The following TMEM131 variants were observed in gnomAD, a reference collection of about 807,000 sequenced individuals.
The protein encoded by TMEM131 is transmembrane protein 131.
TMEM131 carries 66 observed loss-of-function variants against 211.6 expected under a neutral mutation model. That is an observed-to-expected ratio of 0.31 (90% CI 0.26 to 0.38). The LOEUF is 0.38. Ranked by LOEUF, TMEM131 falls within the 10% of genes least tolerant of loss-of-function variation. The pLI, the probability that TMEM131 is intolerant of heterozygous loss-of-function variation, is 1.00. For missense variants in TMEM131, 2,036 were observed against 2,299.3 expected (o/e 0.89, Z 2.34); for synonymous variants, 844 against 841.3 (o/e 1.00, Z -0.06).
At chr2:97,935,261 AT>A (rs779384170) in intron 1 of TMEM131, among the ~76,000 whole-genome samples, 2 of 152,176 alleles carry the variant, frequency 1.3e-5, no homozygotes, top group Non-Finnish European at 2.9e-5. Context: ...GATGGTGAAA[AT>A]GAAATACCCA....
intron 11 of TMEM131, chr2:97,827,671 A>G (rs1207881609): frequency 3.3e-6 from 3 of 914,180 alleles, no homozygotes; most frequent in South Asian, 1.4e-5. Flanking sequence ...CATTTTTAAG[A>G]AGGAGGGAAT....
chr2:97,775,127 G>A (rs1488076546), intron 32 of TMEM131, among the ~76,000 whole-genome samples: 2 of 152,120 alleles, frequency 1.3e-5, no homozygotes, highest in Non-Finnish European at 2.9e-5. Flanking sequence ...GCGCCAGAGT[G>A]GAATTATTAC....
intron 1 of TMEM131, among the ~76,000 whole-genome samples, chr2:97,942,378 T>A (rs1246638482): frequency 1.3e-5 from 2 of 148,164 alleles, no homozygotes; most frequent in African/African-American, 5.0e-5. Flanking sequence ...CTAATGTAAA[T>A]GACGAGTTAA....
chr2:97,807,611 C>A (rs6543111), intron 19 of TMEM131, among the ~76,000 whole-genome samples: 41,142 of 152,064 alleles, frequency 0.27, 6,093 homozygotes, highest in Middle Eastern at 0.36. Flanking sequence ...AATAAATCAC[C>A]CAGCCTCAGG....
At chr2:97,775,263 G>A (rs191202467) in intron 32 of TMEM131, among the ~76,000 whole-genome samples, 13 of 152,232 alleles carry the variant, frequency 8.5e-5, no homozygotes, top group East Asian at 1.9e-4. Flanking sequence ...GGCCTCCAAC[G>A]GGCGAGGCAG....
intron 1 of TMEM131, among the ~76,000 whole-genome samples, chr2:97,945,011 G>A (rs1677967055): frequency 6.6e-6 from 1 of 152,148 alleles, no homozygotes; most frequent in Non-Finnish European, 1.5e-5. Context: ...TTATATACCA[G>A]TGTTCATAAT....
At chr2:97,995,107 A>G (rs1267890794) in intron 1 of TMEM131, among the ~76,000 whole-genome samples, 1 of 152,382 alleles carries the variant, frequency 6.6e-6, no homozygotes, top group East Asian at 1.9e-4. Context: ...ATTTTAAAGT[A>G]AGCTCTGTCT....
At chr2:97,943,155 G>C (rs185169939) in intron 1 of TMEM131, among the ~76,000 whole-genome samples, 53 of 152,184 alleles carry the variant, frequency 3.5e-4, no homozygotes, top group African/African-American at 1.2e-3. Context: ...GGCTGAGGCA[G>C]AAAGATTGCT....
At chr2:97,804,709 G>A (rs1425355701) in intron 22 of TMEM131, among the ~76,000 whole-genome samples, 2 of 151,982 alleles carry the variant, frequency 1.3e-5, no homozygotes, top group Non-Finnish European at 2.9e-5. Context: ...TGCCTAGGTG[G>A]GGGTAAACCT....
rs1679290495 is a variant in TMEM131, at chr2:97,768,377, G to A, written c.4449-1775C>T. 2.0e-5 allele frequency among the ~76,000 whole-genome samples: 3 copies of A among 152,224 alleles called. No individual in the cohort carries two copies. In the South Asian group the frequency reaches 6.2e-4, roughly 31 times the overall value. ...CCAGCCCTCTGGTGGTGGAGGTGGT[G>A]TGGGTGTGATCTATTTTTAAGTGTG... On this transcript the variant is annotated intron_variant, in intron 33 of 40. Transcript: ENST00000186436.
rs892426414 is a variant in TMEM131 at position 97,802,069 on chromosome 2, G to C, written c.2652-108C>G. 5 of 697,278 alleles carry C rather than the reference G, an allele frequency of 7.2e-6. No individual in the cohort carries two copies. The African/African-American group carries it at 7.4e-5, about 10-fold the overall frequency. 43.2% of individuals were successfully genotyped at this position (697,278 alleles called of 1,614,324 possible). ...TTATTTTCAAATTATTGTCTGTCAG[G>C]TTTTGAGATCAATATGACCAGATTT... On this transcript the variant is annotated intron_variant, in intron 24 of 40. Coordinates refer to ENST00000186436, the MANE Select transcript of TMEM131 (RefSeq NM_015348.2).
rs565507964 is a variant in TMEM131, at chr2:97,932,526, T to G, written c.188-5039A>C. Among the ~76,000 whole-genome samples, 8 of 152,346 alleles carry G rather than the reference T, an allele frequency of 5.3e-5. No homozygotes were observed. In the East Asian group the frequency reaches 1.5e-3, roughly 29 times the overall value. Reference sequence around the variant, plus strand: ...AATATAATCCTATGTAATTCAGATGTGCAGGATATATACCATACATCTAAA... The same window carrying G: ...AATATAATCCTATGTAATTCAGATGGGCAGGATATATACCATACATCTAAA... On this transcript the variant is annotated intron_variant, in intron 1 of 40. Transcript: ENST00000186436.
intron 12 of TMEM131, among the ~76,000 whole-genome samples, chr2:97,817,905 T>C (rs1681911092): frequency 6.6e-6 from 1 of 152,196 alleles, no homozygotes; most frequent in Non-Finnish European, 1.5e-5. Flanking sequence ...GTTGCATGGG[T>C]GCCTATGAAA....
At chr2:97,981,307 T>C (rs1679787732) in intron 1 of TMEM131, among the ~76,000 whole-genome samples, 1 of 152,162 alleles carries the variant, frequency 6.6e-6, no homozygotes, top group Non-Finnish European at 1.5e-5. Flanking sequence ...AATAACCTTA[T>C]ATATATGTAT....
chr2:97,829,801 C>T (rs1035257600), intron 11 of TMEM131, among the ~76,000 whole-genome samples: 11 of 152,254 alleles, frequency 7.2e-5, no homozygotes, highest in African/African-American at 2.6e-4. Context: ...ACAATGAAGG[C>T]TTGACCATTT....
At chr2:97,797,930 T>A (rs915596693) in intron 25 of TMEM131, among the ~76,000 whole-genome samples, 1 of 152,218 alleles carries the variant, frequency 6.6e-6, no homozygotes, top group African/African-American at 2.4e-5. Context: ...GGCCTCCTGA[T>A]GCTTCCCGCC....
At chr2:97,772,909 A>C (rs1417482768) in intron 32 of TMEM131, among the ~76,000 whole-genome samples, 2 of 152,174 alleles carry the variant, frequency 1.3e-5, no homozygotes, top group African/African-American at 2.4e-5. Flanking sequence ...AAATAAAGTA[A>C]AATTTGTCTC....
chr2:97,988,103 GACAGACAC>G (rs745701477), intron 1 of TMEM131, among the ~76,000 whole-genome samples: 1 of 133,912 alleles, frequency 7.5e-6, no homozygotes, highest in Non-Finnish European at 1.7e-5. Context: ...CTGGCATAAA[GACAGACAC>G]ACAGAGCAGT....
chr2:97,859,514 G>C, intron 4 of TMEM131, 87 bp from the exon 5 acceptor site: 6 of 1,139,444 alleles, frequency 5.3e-6, no homozygotes, highest in Non-Finnish European at 7.2e-6. Context: ...AAAATTGTTA[G>C]ACAAATACAT....
Sources: allele counts gnomAD v4.1 joint callset (sites outside exome capture counted in the v4.1 genomes callset), GRCh38; gene constraint gnomAD v4.1.1; transcripts MANE v1.5; gene names NCBI Gene and HGNC (gene_info 2026-07-23, HGNC 2026-07-21).